TRPV4: variants seen among roughly 807,000 people sequenced by gnomAD.
TRPV4 encodes transient receptor potential cation channel subfamily V member 4, also known as OSM9-like transient receptor potential channel 4.
Under a neutral mutation model 84.1 loss-of-function variants are expected in TRPV4, and 58 were observed. That is an observed-to-expected ratio of 0.69 (90% CI 0.56 to 0.86). TRPV4 has a LOEUF of 0.86. Ranked by LOEUF, TRPV4 falls within the 40% of genes least tolerant of loss-of-function variation. The pLI is 0.00. For synonymous variants in TRPV4, 489 were observed against 500.9 expected (o/e 0.98, Z 0.32); for missense variants, 879 against 1,181.1 (o/e 0.74, Z 3.75).
intron 3 of TRPV4, among the ~76,000 whole-genome samples, chr12:109,807,627 A>G (rs1033947838): frequency 6.6e-6 from 1 of 152,170 alleles, no homozygotes; most frequent in African/African-American, 2.4e-5. Context: ...AACCCAGCAC[A>G]TTGCAGGTGG....
chr12:109,820,402 A>ACAGAGTGAGAGAG (rs112176186), intron 1 of TRPV4, among the ~76,000 whole-genome samples: 42,498 of 151,676 alleles, frequency 0.28, 6,633 homozygotes, highest in East Asian at 0.7. Flanking sequence ...CCGGTGGGGC[A>ACAGAGTGAGAGAG]CATTTTGACG....
At chr12:109,824,493 CGCCTGTAATCCCA>C (rs1892197290) in intron 1 of TRPV4, among the ~76,000 whole-genome samples, 1 of 152,048 alleles carries the variant, frequency 6.6e-6, no homozygotes, top group African/African-American at 2.4e-5. Context: ...CAGTGGCTCA[CGCCTGTAATCCCA>C]GCACTTTGGG....
chr12:109,783,850 C>T lies in TRPV4; in HGVS notation c.2459-72G>A. ...AGAGCGTGCGTATATTGAGTGCCTA[C>T]TGTGTACTGGGCACTCCACAGTGTT... On this transcript the variant is annotated intron_variant, in intron 15 of 15. Transcript: ENST00000261740. The surrounding 1 kb of genome is among the most constrained non-coding windows in gnomAD (Gnocchi z 4.6). 1 of 1,551,306 alleles carries T rather than the reference C, an allele frequency of 6.4e-7. No homozygotes were observed. Among genetic ancestry groups the T allele is most frequent in the East Asian group, 2.2e-5 (1 of 44,592 alleles).
rs148229386 is a variant in TRPV4 at position 109,821,704 on chromosome 12, G to A, written c.-31-6877C>T. Among the ~76,000 whole-genome samples, 1,316 of 151,946 alleles carry A rather than the reference G, an allele frequency of 8.7e-3. 27 individuals are homozygous for A. The highest frequency in any genetic ancestry group is 0.031 in the African/African-American group (1,264 of 41,418). On this transcript the variant is annotated intron_variant, in intron 1 of 15. Transcript: ENST00000261740. ...CACCACAACACCCGGCTAATTTTTC[G>A]TATTTTTAGTAGAGGCAGGGTTTTG... is the stretch of plus-strand genomic sequence containing the variant.
At chr12:109,797,490 G>A (rs1313735806) in intron 6 of TRPV4, among the ~76,000 whole-genome samples, 1 of 151,936 alleles carries the variant, frequency 6.6e-6, no homozygotes, top group East Asian at 1.9e-4. Context: ...GTCTGGCTCT[G>A]TTGCCCAGGC....
chr12:109,796,792 A>C lies in TRPV4; in HGVS notation c.1153-88T>G. ...GCTCAGCACATGACGCCTCCCCAGA[A>C]AACAGCTAAGCACCGGCTGCTGGAG... is the stretch of plus-strand genomic sequence containing the variant. On this transcript the variant is annotated intron_variant, in intron 6 of 15. Transcript: ENST00000261740. The surrounding 1 kb of genome is among the most constrained non-coding windows in gnomAD (Gnocchi z 4.2). The C allele has an allele frequency of 7.2e-7, 1 of 1,395,710 alleles. No individual in the cohort carries two copies. The highest frequency in any genetic ancestry group is 2.5e-4 in the Middle Eastern group (1 of 4,080). The allele number at this position is 1,395,710 out of a possible 1,614,324, so 86.5% of individuals were successfully genotyped here.
chr12:109,822,724 C>A (rs2136702485), intron 1 of TRPV4, among the ~76,000 whole-genome samples: 1 of 152,234 alleles, frequency 6.6e-6, no homozygotes, highest in South Asian at 2.1e-4. Flanking sequence ...CAGCTCTGGG[C>A]AAGTCACCTG....
In TRPV4 at chr12:109,815,978, G is replaced by A. The variant is rs1008865442; in HGVS notation, c.-31-1151C>T. Among the ~76,000 whole-genome samples the A allele has an allele frequency of 6.6e-6, 1 of 152,210 alleles. No homozygotes were observed. The highest frequency in any genetic ancestry group is 1.5e-5 in the Non-Finnish European group (1 of 68,038). On this transcript the variant is annotated intron_variant, in intron 1 of 15. Coordinates refer to ENST00000261740, the MANE Select transcript of TRPV4 (RefSeq NM_021625.5). This position sits in a 1 kb window ranked among gnomAD's most constrained non-coding sequence, Gnocchi z 4.1. ...AGTGCCCTGCTCTCTGTAGCATGGT[G>A]CCAGCCAGGCAGGGCTGGGCACCAA...
chr12:109,817,085 C>T (rs1891884139), intron 1 of TRPV4, among the ~76,000 whole-genome samples: 2 of 152,168 alleles, frequency 1.3e-5, no homozygotes, highest in Admixed American at 1.3e-4. Context: ...TCTGGAGACA[C>T]GAAGTCCTTT....
In TRPV4 at chr12:109,814,333, T is replaced by C; in HGVS notation, c.386+78A>G. On this transcript the variant is annotated intron_variant, in intron 2 of 15. Coordinates refer to ENST00000261740, the MANE Select transcript of TRPV4 (RefSeq NM_021625.5). The surrounding 1 kb of genome is among the most constrained non-coding windows in gnomAD (Gnocchi z 5.4). The stretch of plus-strand genomic sequence containing the variant: ...GATGAATCGACGGATGGGTGGATAA[T>C]AGATAGAGGGGTGGATGATGAATGG... 7.9e-6 allele frequency: 12 copies of C among 1,514,658 alleles called. No individual in the cohort carries two copies. The highest frequency in any genetic ancestry group is 2.3e-5 in the East Asian group (1 of 42,810). 93.8% of individuals were successfully genotyped at this position (1,514,658 alleles called of 1,614,324 possible). A position where few individuals can be genotyped will look rare whatever the true frequency, so the allele number is the denominator to read the frequency against.
At chr12:109,817,057 C>A (rs1258762326) in intron 1 of TRPV4, among the ~76,000 whole-genome samples, 2 of 152,194 alleles carry the variant, frequency 1.3e-5, no homozygotes, top group East Asian at 3.8e-4. Context: ...CTACTCAGTT[C>A]CAGCACCTAG....
chr12:109,802,214 T>A (rs1890830034), intron 4 of TRPV4, among the ~76,000 whole-genome samples: 1 of 151,580 alleles, frequency 6.6e-6, no homozygotes, highest in African/African-American at 2.4e-5. Context: ...ACTGAAGCCT[T>A]GACCCTCTGA....
intron 12 of TRPV4, 100 bp downstream of exon 12, chr12:109,792,263 A>AAT: frequency 5.5e-6 from 5 of 907,676 alleles, no homozygotes; most frequent in African/African-American, 1.7e-5. Context: ...AAAAAAAAAA[A>AAT]AAGAACTCAG....
chr12:109,790,047 G>C (rs1270086732), intron 12 of TRPV4, among the ~76,000 whole-genome samples: 8 of 152,202 alleles, frequency 5.3e-5, no homozygotes, highest in African/African-American at 1.7e-4. Flanking sequence ...CTAGATCCCT[G>C]ACCTGAATCC....
At chr12:109,831,810 C>G (rs1159111011) in intron 1 of TRPV4, among the ~76,000 whole-genome samples, 1 of 152,230 alleles carries the variant, frequency 6.6e-6, no homozygotes, top group Non-Finnish European at 1.5e-5. Flanking sequence ...CCACCTTGAT[C>G]TTACAAAGTG....
chr12:109,812,772 G>A (rs980973715), intron 2 of TRPV4, among the ~76,000 whole-genome samples: 1 of 152,212 alleles, frequency 6.6e-6, no homozygotes, highest in African/African-American at 2.4e-5. Flanking sequence ...GAAACAGTGG[G>A]TAGGTGAGAA....
chr12:109,819,363 T>C (rs540406480), intron 1 of TRPV4, among the ~76,000 whole-genome samples: 1 of 152,294 alleles, frequency 6.6e-6, no homozygotes, highest in African/African-American at 2.4e-5. Flanking sequence ...CGTGTGCATG[T>C]GTGTGTGCCC....
At position 109,793,890 on chromosome 12, in the gene TRPV4, A is replaced by AGGGC. The variant is rs1424812337; in HGVS notation, c.1584+36_1584+39dup. 2.9e-6 allele frequency: 4 copies of AGGGC among 1,361,130 alleles called. No individual in the cohort carries two copies. The highest frequency in any genetic ancestry group is 4.1e-6 in the Non-Finnish European group (4 of 980,748). 84.3% of individuals were successfully genotyped at this position (1,361,130 alleles called of 1,614,324 possible). A position where few individuals can be genotyped will look rare whatever the true frequency, so the allele number is the denominator to read the frequency against. Reference sequence around the variant, plus strand: ...AAAAGAGGTGCAGGAAGAGAAGAGGAGGGCAGGCAGGGTGGGGGGCACGGG... The same window carrying AGGGC: ...AAAAGAGGTGCAGGAAGAGAAGAGGAGGGCGGGCAGGCAGGGTGGGGGGCACGGG... On this transcript the variant is annotated intron_variant, in intron 9 of 15. Transcript: ENST00000261740. This position sits in a 1 kb window ranked among gnomAD's most constrained non-coding sequence, Gnocchi z 4.0.
In TRPV4 at chr12:109,808,385, A is replaced by T. The variant is rs768508093; in HGVS notation, c.470T>A (p.Ile157Asn). The T allele has an allele frequency of 2.5e-6, 4 of 1,614,184 alleles. No individual in the cohort carries two copies. Among genetic ancestry groups the T allele is most frequent in the Non-Finnish European group, 3.4e-6 (4 of 1,180,026 alleles). ...KVFNRPILFDIVSRGSTADLD... is the reference protein window; with the variant it reads ...KVFNRPILFDNVSRGSTADLD... The stretch of plus-strand genomic sequence containing the variant: ...GTCAGCAGTGGAGCCCCGGGACACG[A>T]TGTCAAAGAGGATAGGCCGGTTGAA... Residue 157 changes from isoleucine to asparagine, a missense_variant, in exon 3 of 16, where the codon ATC becomes AAC. Transcript: ENST00000261740.
Sources: gnomAD v4.1 joint callset for allele counts (sites outside exome capture counted in the v4.1 genomes callset) on GRCh38, gnomAD v4.1.1 for gene constraint, Gnocchi (gnomAD v3.1) non-coding constraint, MANE v1.5 for transcripts, NCBI Gene and HGNC (gene_info 2026-07-23, HGNC 2026-07-21) for gene names.